The following ELAVL1 variants were observed in gnomAD, a reference collection of about 807,000 sequenced individuals.
The protein encoded by ELAVL1 is ELAV like RNA binding protein 1.
Under a neutral mutation model 28.4 loss-of-function variants are expected in ELAVL1, and 1 was observed. The observed-to-expected ratio is 0.04, with a 90% CI of 0.01 to 0.17. ELAVL1 has a LOEUF of 0.17. ELAVL1 is among the 10% of genes least tolerant of loss of function. The probability of loss-of-function intolerance (pLI) is 1.00; values close to 1 mark genes in which losing one functional copy is unlikely to be tolerated. For synonymous variants in ELAVL1, 174 were observed against 183.5 expected, an observed-to-expected ratio of 0.95 and a Z score of 0.42; for missense variants, 157 against 447.2, an observed-to-expected ratio of 0.35 and a Z score of 5.85.
chr19:7,976,681 T>TGTGAGTTG (rs1985303330), intron 3 of ELAVL1, among the ~76,000 whole-genome samples: 2 of 152,088 alleles, frequency 1.3e-5, no homozygotes, highest in African/African-American at 4.8e-5. Context: ...TTGATACCCT[T>TGTGAGTTG]CTTCTGTTGA....
chr19:7,988,355 G>A (rs1384952043), intron 2 of ELAVL1, among the ~76,000 whole-genome samples: 1 of 152,174 alleles, frequency 6.6e-6, no homozygotes, highest in Non-Finnish European at 1.5e-5. Flanking sequence ...GCCATGAGGT[G>A]ACTCTGCCCA....
intron 3 of ELAVL1, among the ~76,000 whole-genome samples, chr19:7,975,536 C>T (rs996895747): frequency 1.3e-5 from 2 of 152,248 alleles, no homozygotes; most frequent in East Asian, 1.9e-4. Context: ...CCCGGCCCCT[C>T]GGCCAGAACC....
rs922170170 is a variant in ELAVL1, at chr19:7,963,921, C to A, written c.657-114G>T. 28 of 1,196,482 alleles carry A rather than the reference C, an allele frequency of 2.3e-5. No homozygotes were observed. Among genetic ancestry groups the A allele is most frequent in the Admixed American group, 5.4e-5 (2 of 36,916 alleles). 74.1% of individuals were successfully genotyped at this position (1,196,482 alleles called of 1,614,324 possible). Reference sequence around the variant, plus strand: ...CTGGGCCCCATCCCGCTCTGCGCAGCCACGAGGTGCTCACGGTTGAGACAC... The same window carrying A: ...CTGGGCCCCATCCCGCTCTGCGCAGACACGAGGTGCTCACGGTTGAGACAC... On this transcript the variant is annotated intron_variant, in intron 5 of 5. Transcript: ENST00000407627. This position sits in a 1 kb window ranked among gnomAD's most constrained non-coding sequence, Gnocchi z 4.5.
intron 4 of ELAVL1, among the ~76,000 whole-genome samples, chr19:7,971,026 G>C (rs1414651175): frequency 2.6e-5 from 4 of 152,196 alleles, no homozygotes; most frequent in Non-Finnish European, 5.9e-5. Flanking sequence ...AGAGCCGGGA[G>C]ACCCTCCTGG....
intron 3 of ELAVL1, among the ~76,000 whole-genome samples, chr19:7,977,823 A>G (rs1329741708): frequency 6.6e-6 from 1 of 152,244 alleles, no homozygotes; most frequent in South Asian, 2.1e-4. Context: ...CCCTGCCTGC[A>G]AGGGAGGAGC....
At chr19:8,002,170 CTCTGAA>C in intron 1 of ELAVL1, 1 of 1,259,510 alleles carries the variant, frequency 7.9e-7, no homozygotes, top group Non-Finnish European at 1.0e-6. Flanking sequence ...ACACGATGTT[CTCTGAA>C]CACTGCGATG....
intron 3 of ELAVL1, among the ~76,000 whole-genome samples, chr19:7,977,789 G>A (rs1179389264): frequency 6.6e-6 from 1 of 152,266 alleles, no homozygotes; most frequent in Non-Finnish European, 1.5e-5. Flanking sequence ...TCAGAGCCCA[G>A]GATGAGCACA....
chr19:7,983,709 A>G (rs373922923), intron 2 of ELAVL1, among the ~76,000 whole-genome samples: 22 of 152,196 alleles, frequency 1.4e-4, no homozygotes, highest in African/African-American at 5.1e-4. Flanking sequence ...TCACACACTG[A>G]TAGGGACTCG....
At position 7,963,854 on chromosome 19, in the gene ELAVL1, C is replaced by G; in HGVS notation, c.657-47G>C. ...TCAGGCCACGGTCAGCGCAGGCGGC[C>G]TGGGGATGGGGCAAGGCCTGGACGC... is the stretch of plus-strand genomic sequence containing the variant. On this transcript the variant is annotated intron_variant, in intron 5 of 5. Transcript: ENST00000407627. This position sits in a 1 kb window ranked among gnomAD's most constrained non-coding sequence, Gnocchi z 4.5. 6.3e-7 allele frequency: 1 copy of G among 1,581,314 alleles called. No individual in the cohort carries two copies. Among genetic ancestry groups the G allele is most frequent in the Non-Finnish European group, 8.6e-7 (1 of 1,162,658 alleles).
chr19:7,988,819 G>A (rs1356783311), intron 2 of ELAVL1, among the ~76,000 whole-genome samples: 1 of 152,234 alleles, frequency 6.6e-6, no homozygotes, highest in Non-Finnish European at 1.5e-5. Context: ...GAAGCTGGAA[G>A]TCTGGAAGGA....
At chr19:7,969,496 C>T (rs1158384729) in intron 4 of ELAVL1, among the ~76,000 whole-genome samples, 1 of 152,182 alleles carries the variant, frequency 6.6e-6, no homozygotes, top group African/African-American at 2.4e-5. Context: ...GCGCTACGCA[C>T]ACGTGCCAGG....
chr19:7,997,613 T>C (rs2081053917), intron 1 of ELAVL1, among the ~76,000 whole-genome samples: 1 of 152,104 alleles, frequency 6.6e-6, no homozygotes, highest in Non-Finnish European at 1.5e-5. Flanking sequence ...CAGAGAACTC[T>C]ACTCGAAAAA....
Position 7,958,636 on chromosome 19 carries a change from A to T in ELAVL1, c.*4847T>A, listed in dbSNP as rs1229104045. 6.6e-6 allele frequency: 1 copy of T among 152,250 alleles called. No homozygotes were observed. The highest frequency in any genetic ancestry group is 1.5e-5 in the Non-Finnish European group (1 of 68,054). The allele number at this position is 152,250 out of a possible 1,614,324, so 9.4% of individuals were successfully genotyped here. A position where few individuals can be genotyped will look rare whatever the true frequency, so the allele number is the denominator to read the frequency against. Reference sequence around the variant, plus strand: ...AGAATTCCAGTCATAGTTAACATACAGCGTTTAACACGAACCTGATACCTG... The same window carrying T: ...AGAATTCCAGTCATAGTTAACATACTGCGTTTAACACGAACCTGATACCTG... On this transcript the variant is annotated 3_prime_UTR_variant, in exon 6 of 6. Transcript: ENST00000407627.
At position 7,962,048 on chromosome 19, in the gene ELAVL1, G is replaced by C. The variant is rs529258081; in HGVS notation, c.*1435C>G. ...AGTCCTGAGGAGTTTTGGGTGATCT[G>C]GCCCTGCCTATTTCACAGGCTTTCT... is the stretch of plus-strand genomic sequence containing the variant. On this transcript the variant is annotated 3_prime_UTR_variant, in exon 6 of 6. Coordinates refer to ENST00000407627, the MANE Select transcript of ELAVL1 (RefSeq NM_001419.3). 2.0e-5 allele frequency: 3 copies of C among 153,686 alleles called. No individual in the cohort carries two copies. In the South Asian group the frequency reaches 6.2e-4, roughly 32 times the overall value. 9.5% of individuals were successfully genotyped at this position (153,686 alleles called of 1,614,324 possible).
Position 7,963,172 on chromosome 19 carries a change from G to T in ELAVL1, c.*311C>A. 3.0e-6 allele frequency: 1 copy of T among 336,686 alleles called. No homozygotes were observed. Among genetic ancestry groups the T allele is most frequent in the South Asian group, 3.8e-5 (1 of 26,210 alleles). 20.9% of individuals were successfully genotyped at this position (336,686 alleles called of 1,614,324 possible). ...GAAACGCGTGTTAGACAGTCTTAGA[G>T]GTTAAAGCATGCTTCAGGTTCACCA... is the stretch of plus-strand genomic sequence containing the variant. On this transcript the variant is annotated 3_prime_UTR_variant, in exon 6 of 6. Coordinates refer to ENST00000407627, the MANE Select transcript of ELAVL1 (RefSeq NM_001419.3). The surrounding 1 kb of genome is among the most constrained non-coding windows in gnomAD (Gnocchi z 4.5).
Position 7,959,248 on chromosome 19 carries a change from CA to C in ELAVL1, c.*4234del, listed in dbSNP as rs1984739211. 6.6e-6 allele frequency: 1 copy of C among 152,262 alleles called. No homozygotes were observed. 9.4% of individuals were successfully genotyped at this position (152,262 alleles called of 1,614,324 possible). ...TATTGAAAACAAACCCATGTAAAAA[CA>C]AAGTTAAAATGAAAAATGGCACCTG... is the stretch of plus-strand genomic sequence containing the variant. On this transcript the variant is annotated 3_prime_UTR_variant, in exon 6 of 6. Coordinates refer to ENST00000407627, the MANE Select transcript of ELAVL1 (RefSeq NM_001419.3).
chr19:7,980,033 G>C (rs1412522667), intron 3 of ELAVL1, among the ~76,000 whole-genome samples: 1 of 152,148 alleles, frequency 6.6e-6, no homozygotes, highest in East Asian at 1.9e-4. Context: ...GGTCCAAGAG[G>C]GACCCTTCAG....
intron 1 of ELAVL1, among the ~76,000 whole-genome samples, chr19:8,005,089 T>C (rs2081082393): frequency 6.6e-6 from 1 of 152,112 alleles, no homozygotes; most frequent in Non-Finnish European, 1.5e-5. Flanking sequence ...ATCTGTGGGA[T>C]TTCCCGGGGG....
In ELAVL1 at chr19:7,985,203, C is replaced by A. The variant is rs1411137389; in HGVS notation, c.173-4017G>T. On this transcript the variant is annotated intron_variant, in intron 2 of 5. Coordinates refer to ENST00000407627, the MANE Select transcript of ELAVL1 (RefSeq NM_001419.3). ...CCAAAGTGCTGGGATTATAGGCGTG[C>A]GCCACCGCGCCCAGCCTCCTCAGTG... Among the ~76,000 whole-genome samples, 7 of 152,190 alleles carry A rather than the reference C, an allele frequency of 4.6e-5. No homozygotes were observed. The East Asian group carries it at 9.6e-4, about 21-fold the overall frequency.
Sources: allele counts gnomAD v4.1 joint callset (sites outside exome capture counted in the v4.1 genomes callset), GRCh38; gene constraint gnomAD v4.1.1; non-coding constraint Gnocchi (gnomAD v3.1); transcripts MANE v1.5; gene names NCBI Gene and HGNC (gene_info 2026-07-23, HGNC 2026-07-21).